SRBD1: variants seen among roughly 807,000 people sequenced by gnomAD.
SRBD1 encodes the protein S1 RNA-binding domain-containing protein 1.
Under a neutral mutation model 115.3 loss-of-function variants are expected in SRBD1, and 88 were observed. That is an observed-to-expected ratio of 0.76 (90% CI 0.64 to 0.91). The LOEUF is 0.91. Among genes scored for constraint, SRBD1 ranks in the 40% least tolerant of loss-of-function variants. The probability of loss-of-function intolerance (pLI) is 0.00; values close to 1 mark genes in which losing one functional copy is unlikely to be tolerated. For synonymous variants in SRBD1, 509 were observed against 407.7 expected (o/e 1.25, Z -2.99); for missense variants, 1,385 against 1,177.4 (o/e 1.18, Z -2.58).
At chr2:45,578,569 G>C (rs1254010699) in intron 7 of SRBD1, among the ~76,000 whole-genome samples, 1 of 152,112 alleles carries the variant, frequency 6.6e-6, no homozygotes, top group Non-Finnish European at 1.5e-5. Context: ...AATAAAAACA[G>C]GCTATAGTAT....
chr2:45,577,532 T>A (rs996068719), intron 7 of SRBD1, among the ~76,000 whole-genome samples: 18 of 152,150 alleles, frequency 1.2e-4, no homozygotes, highest in African/African-American at 4.1e-4. Context: ...CAGAACTTCC[T>A]CTTGGACACG....
At chr2:45,530,062 T>C (rs1671565994) in intron 14 of SRBD1, among the ~76,000 whole-genome samples, 1 of 151,894 alleles carries the variant, frequency 6.6e-6, no homozygotes, top group South Asian at 2.1e-4. Flanking sequence ...ATTAGAAGAG[T>C]GGCCTACCAA....
intron 17 of SRBD1, among the ~76,000 whole-genome samples, chr2:45,419,222 C>G (rs1572619508): frequency 6.6e-6 from 1 of 152,144 alleles, no homozygotes; most frequent in South Asian, 2.1e-4. Flanking sequence ...CGGTCCAGAT[C>G]AGGGAATTTC....
chr2:45,544,799 C>G (rs952279496), intron 14 of SRBD1, among the ~76,000 whole-genome samples: 2 of 152,054 alleles, frequency 1.3e-5, no homozygotes, highest in Non-Finnish European at 2.9e-5. Context: ...TAAACAAATA[C>G]AAACACACTC....
At position 45,445,110 on chromosome 2, in the gene SRBD1, G is replaced by C. The variant is rs189948909; in HGVS notation, c.2050-25216C>G. On this transcript the variant is annotated intron_variant, in intron 16 of 20. Transcript: ENST00000263736. ...CATCTAAAGTTTCAGGCATTTAAGA[G>C]TGACAATTGTCTTTCAGACAGTTGG... 2.6e-5 allele frequency among the ~76,000 whole-genome samples: 4 copies of C among 152,288 alleles called. No individual in the cohort carries two copies. In the East Asian group the frequency reaches 5.8e-4, roughly 22 times the overall value.
rs1267217385 is a variant in SRBD1, at chr2:45,553,625, G to A, written c.1515C>T (p.Phe505=). 5 of 1,571,396 alleles carry A rather than the reference G, an allele frequency of 3.2e-6. No homozygotes were observed. Among genetic ancestry groups the A allele is most frequent in the African/African-American group, 1.4e-5 (1 of 72,982 alleles). Residue 505 remains phenylalanine, a splice_region_variant and synonymous_variant, in exon 11 of 21, where the codon TTC becomes TTT. Transcript: ENST00000263736. The stretch of plus-strand genomic sequence containing the variant: ...ATTAAACAAGACAAGATATATACCT[G>A]AATTCTCTACAGAGAAGAGGATAAA... ...RLIYPLLCRE[F]RAKLTSDAEK...
intron 10 of SRBD1, among the ~76,000 whole-genome samples, chr2:45,556,283 C>T (rs1672473356): frequency 6.6e-6 from 1 of 151,988 alleles, no homozygotes; most frequent in African/African-American, 2.4e-5. Context: ...TCAACAAACA[C>T]ACCTTTTTTC....
At chr2:45,525,492 G>A (rs778128698) in intron 14 of SRBD1, among the ~76,000 whole-genome samples, 2 of 151,924 alleles carry the variant, frequency 1.3e-5, no homozygotes, top group Non-Finnish European at 2.9e-5. Context: ...TCAGTTATAG[G>A]AAGAATAAGT....
At chr2:45,428,581 AATAC>A (rs939920790) in intron 16 of SRBD1, among the ~76,000 whole-genome samples, 15 of 150,070 alleles carry the variant, frequency 1.0e-4, no homozygotes, top group African/African-American at 3.4e-4. Context: ...TAAATAAATA[AATAC>A]ATAAATAAAT....
intron 16 of SRBD1, among the ~76,000 whole-genome samples, chr2:45,427,016 A>G (rs1395247524): frequency 1.3e-5 from 2 of 152,332 alleles, no homozygotes; most frequent in Non-Finnish European, 2.9e-5. Flanking sequence ...AAATTGACAG[A>G]AGTAGGCTTC....
At position 45,414,928 on chromosome 2, in the gene SRBD1, C is replaced by T. The variant is rs201315483; in HGVS notation, c.2334-1635G>A. Among the ~76,000 whole-genome samples, 133 of 104,604 alleles carry T rather than the reference C, an allele frequency of 1.3e-3. 17 individuals carry two copies. The highest frequency in any genetic ancestry group is 6.1e-3 in the Middle Eastern group (1 of 164). The allele number at this position is 104,604 out of a possible 152,430, so 68.6% of individuals were successfully genotyped here. On this transcript the variant is annotated intron_variant, in intron 18 of 20. Coordinates refer to ENST00000263736, the MANE Select transcript of SRBD1 (RefSeq NM_018079.5). ...ATATAGTGTGTATATAGTATGTACA[C>T]ACACAGTGTTATATAGTATGTACAT...
rs146103133 is a variant in SRBD1 at position 45,419,144 on chromosome 2, A to G, written c.2157-603T>C. On this transcript the variant is annotated intron_variant, in intron 17 of 20. Transcript: ENST00000263736. ...ATATATGAAATTATGAAATGTTTGT[A>G]GATGTGTTAGAAAATCAACAACTTA... Among the ~76,000 whole-genome samples the G allele has an allele frequency of 3.7e-3, 557 of 152,340 alleles. 5 individuals are homozygous for G. The highest frequency in any genetic ancestry group is 0.012 in the African/African-American group (514 of 41,580).
chr2:45,549,310 T>A (rs1386720059), intron 12 of SRBD1, among the ~76,000 whole-genome samples: 1 of 151,644 alleles, frequency 6.6e-6, no homozygotes, highest in Non-Finnish European at 1.5e-5. Flanking sequence ...TTTTTTTTTT[T>A]AATGATTTGG....
At chr2:45,419,721 C>A (rs1205752649) in intron 17 of SRBD1, 67 bp downstream of exon 17, 4 of 1,408,538 alleles carry the variant, frequency 2.8e-6, no homozygotes, top group African/African-American at 1.4e-5. Flanking sequence ...CTTCTTCTAG[C>A]CGAGTTTGGA....
chr2:45,451,670 A>G (rs1024375282), intron 16 of SRBD1, among the ~76,000 whole-genome samples: 6 of 150,370 alleles, frequency 4.0e-5, no homozygotes, highest in Non-Finnish European at 7.4e-5. Flanking sequence ...TAAAGCACAA[A>G]TATCCTCCAA....
In SRBD1 at chr2:45,408,997, C is replaced by A. The variant is rs138083529; in HGVS notation, c.2513+4117G>T. Among the ~76,000 whole-genome samples, 134 of 152,194 alleles carry A rather than the reference C, an allele frequency of 8.8e-4. 1 individual carries two copies. The highest frequency in any genetic ancestry group is 3.1e-3 in the African/African-American group (128 of 41,526). On this transcript the variant is annotated intron_variant, in intron 19 of 20. Transcript: ENST00000263736. ...CAGCACTTTGGGAGGCCGAGTAGGACTGCCTGAGCGAAGGAGTTCAAGACC... is the reference window on the plus strand; with the variant it reads ...CAGCACTTTGGGAGGCCGAGTAGGAATGCCTGAGCGAAGGAGTTCAAGACC...
chr2:45,586,719 T>C (rs1673535620), intron 4 of SRBD1, among the ~76,000 whole-genome samples: 1 of 151,510 alleles, frequency 6.6e-6, no homozygotes, highest in South Asian at 2.1e-4. Flanking sequence ...AATTTTTTTT[T>C]TTTTATTAGT....
At chr2:45,395,042 G>A (rs1027803406) in intron 19 of SRBD1, among the ~76,000 whole-genome samples, 8 of 152,196 alleles carry the variant, frequency 5.3e-5, no homozygotes, top group Non-Finnish European at 1.0e-4. Context: ...AGCTCTGACT[G>A]ATGGGGCGGA....
At chr2:45,471,948 G>A (rs765387733) in intron 16 of SRBD1, among the ~76,000 whole-genome samples, 1 of 152,090 alleles carries the variant, frequency 6.6e-6, no homozygotes, top group African/African-American at 2.4e-5. Flanking sequence ...AAAATTATGT[G>A]TTAATAAATG....
Sources: gnomAD v4.1 joint callset for allele counts (sites outside exome capture counted in the v4.1 genomes callset) on GRCh38, gnomAD v4.1.1 for gene constraint, MANE v1.5 for transcripts, NCBI Gene and HGNC (gene_info 2026-07-23, HGNC 2026-07-21) for gene names.